The following IGF2BP3 variants were observed in gnomAD, a reference collection of about 807,000 sequenced individuals.
The protein encoded by IGF2BP3 is insulin-like growth factor 2 mRNA-binding protein 3.
In IGF2BP3, 9 loss-of-function variants were observed where a neutral mutation model predicts 73.8. The ratio of observed to expected loss-of-function variants is 0.12; its 90% CI spans 0.07 to 0.21. IGF2BP3 has a LOEUF of 0.21. Ranked by LOEUF, IGF2BP3 falls within the 10% of genes least tolerant of loss-of-function variation. The pLI, the probability that IGF2BP3 is intolerant of heterozygous loss-of-function variation, is 1.00. For missense variants in IGF2BP3, 542 were observed against 714.0 expected (o/e 0.76, Z 2.75); for synonymous variants, 258 against 256.7 (o/e 1.01, Z -0.05).
intron 10 of IGF2BP3, among the ~76,000 whole-genome samples, chr7:23,326,685 A>G (rs906452809): frequency 2.1e-5 from 3 of 145,234 alleles, no homozygotes; most frequent in African/African-American, 7.7e-5. Context: ...CAACAATGAT[A>G]GACTGGATTA....
At chr7:23,339,997 A>C (rs906977463) in intron 10 of IGF2BP3, among the ~76,000 whole-genome samples, 1 of 152,160 alleles carries the variant, frequency 6.6e-6, no homozygotes, top group Non-Finnish European at 1.5e-5. Context: ...GAAATGTGTG[A>C]CCTTAAAGGC....
chr7:23,366,736 A>G (rs995426002), intron 3 of IGF2BP3, among the ~76,000 whole-genome samples: 2 of 152,126 alleles, frequency 1.3e-5, no homozygotes, highest in East Asian at 3.9e-4. Context: ...TTTCATGTAC[A>G]AGGCTTGGAA....
intron 3 of IGF2BP3, among the ~76,000 whole-genome samples, chr7:23,417,812 C>T (rs1382786272): frequency 6.6e-6 from 1 of 151,834 alleles, no homozygotes; most frequent in Non-Finnish European, 1.5e-5. Flanking sequence ...TATAACCCAC[C>T]GTTTCCATCT....
In IGF2BP3 at chr7:23,312,404, CTGT is replaced by C. The variant is rs756959587; in HGVS notation, c.1695_1697del (p.Gln566del). The C allele has an allele frequency of 1.1e-5, 17 of 1,613,632 alleles. No homozygotes were observed. Among genetic ancestry groups the C allele is most frequent in the South Asian group, 2.2e-5 (2 of 91,070 alleles). ...GAGGTGGTCCACTTTGCAGAGCCTT[CTGT>C]TGTTGGTGCTGCTTTACCTGAGTCA... On this transcript the variant is annotated inframe_deletion, in exon 15 of 15. Transcript: ENST00000258729.
intron 3 of IGF2BP3, among the ~76,000 whole-genome samples, chr7:23,365,026 AG>A (rs1785334789): frequency 6.6e-6 from 1 of 151,966 alleles, no homozygotes; most frequent in African/African-American, 2.4e-5. Flanking sequence ...ATTAGCCTGC[AG>A]TGGTGGCGCA....
At chr7:23,338,336 A>G (rs960075147) in intron 10 of IGF2BP3, among the ~76,000 whole-genome samples, 1 of 152,178 alleles carries the variant, frequency 6.6e-6, no homozygotes, top group Non-Finnish European at 1.5e-5. Context: ...GCGCCCCTCC[A>G]AAGACTAGTA....
At position 23,313,667 on chromosome 7, in the gene IGF2BP3, C is replaced by A; in HGVS notation, c.1396-14G>T. 1 of 1,612,294 alleles carries A rather than the reference C, an allele frequency of 6.2e-7. No individual in the cohort carries two copies. The highest frequency in any genetic ancestry group is 8.5e-7 in the Non-Finnish European group (1 of 1,179,632). ...TCTTCCCTGAGCCTGCAGATGAAAA[C>A]ACATCCTATTAGTGTCATTCATGTA... On this transcript the variant is annotated splice_polypyrimidine_tract_variant and intron_variant, in intron 12 of 14. Transcript: ENST00000258729.
intron 3 of IGF2BP3, among the ~76,000 whole-genome samples, chr7:23,381,936 A>T (rs1247429123): frequency 2.0e-5 from 3 of 152,134 alleles, no homozygotes; most frequent in African/African-American, 7.2e-5. Flanking sequence ...CTGGGCAAAG[A>T]TGTAACATTT....
chr7:23,312,560 G>A, intron 14 of IGF2BP3, 100 bp from the exon 15 acceptor site: 1 of 985,000 alleles, frequency 1.0e-6, no homozygotes, highest in Non-Finnish European at 1.6e-6. Flanking sequence ...TCCATTTGAT[G>A]ATTAAAGATA....
chr7:23,383,190 G>C (rs748097710), intron 3 of IGF2BP3, among the ~76,000 whole-genome samples: 5 of 152,174 alleles, frequency 3.3e-5, no homozygotes, highest in Non-Finnish European at 7.3e-5. Flanking sequence ...AGTGATGGAA[G>C]TGTAGCGCAA....
intron 11 of IGF2BP3, among the ~76,000 whole-genome samples, chr7:23,318,139 T>C (rs184501507): frequency 6.6e-6 from 1 of 152,168 alleles, no homozygotes; most frequent in African/African-American, 2.4e-5. Flanking sequence ...CTTGGCCCAC[T>C]TGCATCAGGG....
chr7:23,406,901 AAAGTT>A (rs1786849700), intron 3 of IGF2BP3, among the ~76,000 whole-genome samples: 1 of 152,120 alleles, frequency 6.6e-6, no homozygotes, highest in Non-Finnish European at 1.5e-5. Context: ...GCTAGACAGA[AAAGTT>A]CTTCAAGTCC....
At chr7:23,389,088 T>C (rs935369666) in intron 3 of IGF2BP3, among the ~76,000 whole-genome samples, 10 of 152,052 alleles carry the variant, frequency 6.6e-5, no homozygotes, top group African/African-American at 2.4e-4. Flanking sequence ...AATAAAGCTG[T>C]TTTTTAAAAA....
chr7:23,445,093 T>C (rs1282349553), intron 2 of IGF2BP3, among the ~76,000 whole-genome samples: 3 of 152,100 alleles, frequency 2.0e-5, no homozygotes, highest in African/African-American at 7.2e-5. Flanking sequence ...AACAGTAAGG[T>C]ATGGTGCTAA....
rs1437256406 is a variant in IGF2BP3, at chr7:23,404,067, A to C, written c.285+14709T>G. Among the ~76,000 whole-genome samples the C allele has an allele frequency of 2.6e-5, 4 of 151,944 alleles. No homozygotes were observed. The East Asian group carries it at 7.7e-4, about 29-fold the overall frequency. On this transcript the variant is annotated intron_variant, in intron 3 of 14. Transcript: ENST00000258729. ...GGCAGGAGGATTGCTTGAGCCCAGG[A>C]AGAGTTTAAGGCTGCAGTGAGTCGT...
chr7:23,441,574 T>TAAAA (rs769391858), intron 2 of IGF2BP3, among the ~76,000 whole-genome samples: 45 of 56,956 alleles, frequency 7.9e-4, no homozygotes, highest in African/African-American at 2.2e-3. Flanking sequence ...CTCCATCTCT[T>TAAAA]AAAAAAAAAA....
chr7:23,451,206 T>A (rs1339053853), intron 2 of IGF2BP3, among the ~76,000 whole-genome samples: 1 of 152,126 alleles, frequency 6.6e-6, no homozygotes, highest in Non-Finnish European at 1.5e-5. Context: ...TCACTTGAGG[T>A]CAGGGGTTTG....
At chr7:23,451,349 G>A (rs186941870) in intron 2 of IGF2BP3, among the ~76,000 whole-genome samples, 401 of 151,962 alleles carry the variant, frequency 2.6e-3, no homozygotes, top group Non-Finnish European at 4.2e-3. Flanking sequence ...ACCCAGAAGC[G>A]GAGGCTGCAG....
At chr7:23,451,192 C>T (rs1172977315) in intron 2 of IGF2BP3, among the ~76,000 whole-genome samples, 3 of 152,040 alleles carry the variant, frequency 2.0e-5, no homozygotes, top group Non-Finnish European at 2.9e-5. Context: ...CTGAGGTGGG[C>T]GGATCACTTG....
Sources: gnomAD v4.1 joint callset for allele counts (sites outside exome capture counted in the v4.1 genomes callset) on GRCh38, gnomAD v4.1.1 for gene constraint, MANE v1.5 for transcripts, NCBI Gene and HGNC (gene_info 2026-07-23, HGNC 2026-07-21) for gene names.